Variants in GFRA1 observed in about 807,000 individuals in gnomAD.
The protein encoded by GFRA1 is GDNF family receptor alpha 1, also known as GDNF family receptor alpha-1.
A neutral mutation model predicts 51.6 loss-of-function variants in GFRA1; 16 were observed. The observed-to-expected ratio is 0.31, with a 90% confidence interval of 0.21 to 0.47. The LOEUF (loss-of-function observed/expected upper bound fraction) is 0.47. GFRA1 is among the 20% of genes least tolerant of loss of function. GFRA1 has a pLI of 1.00. For missense variants in GFRA1, 530 were observed against 594.3 expected, an observed-to-expected ratio of 0.89 and a Z score of 1.13; for synonymous variants, 270 against 241.3, an observed-to-expected ratio of 1.12 and a Z score of -1.10.
At chr10:116,199,179 C>G (rs1294893399) in intron 5 of GFRA1, among the ~76,000 whole-genome samples, 1 of 152,210 alleles carries the variant, frequency 6.6e-6, no homozygotes, top group African/African-American at 2.4e-5. Flanking sequence ...TGTTGCTTTA[C>G]ACCACCTCGT....
chr10:116,059,674 T>C lies in GFRA1; in HGVS notation c.*4724A>G, dbSNP rs1290796059. 6.6e-6 allele frequency: 1 copy of C among 152,182 alleles called. No homozygotes were observed. The highest frequency in any genetic ancestry group is 1.9e-4 in the East Asian group (1 of 5,182). The allele number at this position is 152,182 out of a possible 1,614,324, so 9.4% of individuals were successfully genotyped here. On this transcript the variant is annotated 3_prime_UTR_variant, in exon 11 of 11. Coordinates refer to ENST00000355422, the MANE Select transcript of GFRA1 (RefSeq NM_005264.8). The stretch of plus-strand genomic sequence containing the variant: ...AACAATCAGAAGTGCAGGTGGCACA[T>C]TCTGCTGAAAACCACCCCTGCATTG...
intron 2 of GFRA1, 128 bp downstream of exon 2, chr10:116,271,862 G>A (rs1458331731): frequency 1.3e-6 from 1 of 787,046 alleles, no homozygotes; most frequent in East Asian, 2.7e-5. Context: ...TCCCCAAAAA[G>A]ACACTTCTTC....
In GFRA1 at chr10:116,057,849, T is replaced by C. The variant is rs551129376; in HGVS notation, c.*6549A>G. 1 of 151,898 alleles carries C rather than the reference T, an allele frequency of 6.6e-6. No homozygotes were observed. Among genetic ancestry groups the C allele is most frequent in the African/African-American group, 2.4e-5 (1 of 41,368 alleles). The allele number at this position is 151,898 out of a possible 1,614,324, so 9.4% of individuals were successfully genotyped here. On this transcript the variant is annotated 3_prime_UTR_variant, in exon 11 of 11. Coordinates refer to ENST00000355422, the MANE Select transcript of GFRA1 (RefSeq NM_005264.8). ...ATATGGCAGGGCAAACTGATTTGGT[T>C]CTGCGATTTCCATTCTCCTCTCCAC...
chr10:116,137,495 A>G (rs1440593113), intron 5 of GFRA1, among the ~76,000 whole-genome samples: 2 of 152,072 alleles, frequency 1.3e-5, no homozygotes, highest in Non-Finnish European at 1.5e-5. Flanking sequence ...CTGCTTCCCA[A>G]TTAATACCCC....
intron 6 of GFRA1, among the ~76,000 whole-genome samples, chr10:116,119,602 A>G (rs1285411007): frequency 1.3e-5 from 2 of 152,110 alleles, no homozygotes; most frequent in African/African-American, 2.4e-5. Context: ...CCTCTGAGCC[A>G]TTTTCTCCTG....
intron 9 of GFRA1, among the ~76,000 whole-genome samples, chr10:116,067,840 C>T (rs1955184700): frequency 6.6e-6 from 1 of 152,192 alleles, no homozygotes; most frequent in Non-Finnish European, 1.5e-5. Context: ...AGGATCTTGT[C>T]TTCTACCTGG....
chr10:116,181,239 G>T (rs189851305), intron 5 of GFRA1, among the ~76,000 whole-genome samples: 1 of 152,296 alleles, frequency 6.6e-6, no homozygotes, highest in African/African-American at 2.4e-5. Flanking sequence ...TCAGGAAATG[G>T]GGGTAGAAAT....
At chr10:116,111,138 G>A (rs1957194492) in intron 6 of GFRA1, among the ~76,000 whole-genome samples, 1 of 152,162 alleles carries the variant, frequency 6.6e-6, no homozygotes, top group Non-Finnish European at 1.5e-5. Context: ...AATAGCCCAG[G>A]CCAAAGACTG....
At chr10:116,072,971 T>A (rs1478525363) in intron 9 of GFRA1, among the ~76,000 whole-genome samples, 4 of 152,154 alleles carry the variant, frequency 2.6e-5, no homozygotes, top group Non-Finnish European at 5.9e-5. Context: ...TGGTTGATGG[T>A]CATTCTTTGA....
chr10:116,084,761 AACACACACACACACACAC>A (rs5788130), intron 9 of GFRA1, among the ~76,000 whole-genome samples: 2,770 of 140,116 alleles, frequency 0.02, 47 homozygotes, highest in Middle Eastern at 0.058. Context: ...TTAAATAAGT[AACACACACACACACACAC>A]ACACACACAC....
At position 116,073,323 on chromosome 10, in the gene GFRA1, C is replaced by T. The variant is rs1955483898; in HGVS notation, c.1198-7697G>A. ...GGCTTACTTCTTCTTTTCATACCTT[C>T]ACAGGATCACCTTACATCTTTTTTG... On this transcript the variant is annotated intron_variant, in intron 9 of 10. Transcript: ENST00000355422. 2.6e-5 allele frequency among the ~76,000 whole-genome samples: 4 copies of T among 152,332 alleles called. No individual in the cohort carries two copies. The South Asian group carries it at 8.3e-4, about 32-fold the overall frequency.
At chr10:116,134,567 G>C (rs1958240678) in intron 5 of GFRA1, among the ~76,000 whole-genome samples, 1 of 152,166 alleles carries the variant, frequency 6.6e-6, no homozygotes, top group African/African-American at 2.4e-5. Flanking sequence ...TTGGCTGTTT[G>C]GAACCCATTT....
intron 9 of GFRA1, among the ~76,000 whole-genome samples, chr10:116,081,245 G>A (rs1955836276): frequency 6.6e-6 from 1 of 152,180 alleles, no homozygotes; most frequent in Admixed American, 6.5e-5. Flanking sequence ...TCTTGTTGGG[G>A]ACCACGGCCA....
At chr10:116,177,414 C>A (rs1463470276) in intron 5 of GFRA1, among the ~76,000 whole-genome samples, 1 of 152,098 alleles carries the variant, frequency 6.6e-6, no homozygotes, top group East Asian at 1.9e-4. Context: ...TCACTATCTG[C>A]AATAGGAAAC....
chr10:116,146,016 C>A (rs1178131465), intron 5 of GFRA1, among the ~76,000 whole-genome samples: 1 of 152,076 alleles, frequency 6.6e-6, no homozygotes, highest in Non-Finnish European at 1.5e-5. Flanking sequence ...TGTACACACA[C>A]ACACACCACT....
At chr10:116,233,189 A>G (rs1966790468) in intron 4 of GFRA1, among the ~76,000 whole-genome samples, 1 of 151,966 alleles carries the variant, frequency 6.6e-6, no homozygotes, top group Non-Finnish European at 1.5e-5. Context: ...TTAGCTGGGA[A>G]TGGTGGCGCA....
At chr10:116,127,809 G>C (rs12781658) in intron 5 of GFRA1, among the ~76,000 whole-genome samples, 54,563 of 152,088 alleles carry the variant, frequency 0.36, 10,058 homozygotes, top group East Asian at 0.41. Flanking sequence ...ATTCTTGAAA[G>C]TCAACAGTTC....
chr10:116,244,415 A>C (rs934478892), intron 4 of GFRA1, among the ~76,000 whole-genome samples: 1 of 147,056 alleles, frequency 6.8e-6, no homozygotes. Flanking sequence ...TTAAAATTTA[A>C]TTTTATTTCA....
chr10:116,070,759 C>CTTTTTTTTTT (rs773344299), intron 9 of GFRA1, among the ~76,000 whole-genome samples: 8 of 97,716 alleles, frequency 8.2e-5, no homozygotes, highest in African/African-American at 3.8e-4. Flanking sequence ...AGTCTGGAGC[C>CTTTTTTTTTT]TTTTTTTTTT....
Sources: gnomAD v4.1 joint callset for allele counts (sites outside exome capture counted in the v4.1 genomes callset) on GRCh38, gnomAD v4.1.1 for gene constraint, MANE v1.5 for transcripts, NCBI Gene and HGNC (gene_info 2026-07-23, HGNC 2026-07-21) for gene names.